The following PCDHGB6 variants were observed in gnomAD, a reference collection of about 807,000 sequenced individuals.
PCDHGB6 encodes protocadherin gamma-B6.
In PCDHGB6, 51 loss-of-function variants were observed where a neutral mutation model predicts 59.1. That is an observed-to-expected ratio of 0.86 (90% CI 0.69 to 1.09). PCDHGB6 has a LOEUF of 1.09. PCDHGB6 is among the 50% of genes least tolerant of loss of function. The probability of loss-of-function intolerance (pLI) is 0.00; values close to 1 mark genes in which losing one functional copy is unlikely to be tolerated. For missense variants in PCDHGB6, 1,148 were observed against 1,205.1 expected (o/e 0.95, Z 0.70); for synonymous variants, 466 against 495.1 (o/e 0.94, Z 0.78).
Position 141,489,826 on chromosome 5 carries a change from C to T in PCDHGB6, c.2419-4981C>T, listed in dbSNP as rs1270077118. 1 of 1,614,186 alleles carries T rather than the reference C, an allele frequency of 6.2e-7. No individual in the cohort carries two copies. The highest frequency in any genetic ancestry group is 1.7e-5 in the Admixed American group (1 of 60,028). On this transcript the variant is annotated intron_variant, in intron 1 of 3. Coordinates refer to ENST00000520790, the MANE Select transcript of PCDHGB6 (RefSeq NM_018926.3). The surrounding 1 kb of genome is among the most constrained non-coding windows in gnomAD (Gnocchi z 4.5). ...TGGGAAGCCATTCCCAGAGCTGGTGCTAGAGCAGCAGCTGGATCGTGAAGC... is the reference window on the plus strand; with the variant it reads ...TGGGAAGCCATTCCCAGAGCTGGTGTTAGAGCAGCAGCTGGATCGTGAAGC...
intron 1 of PCDHGB6, among the ~76,000 whole-genome samples, chr5:141,435,783 G>A (rs1273339025): frequency 6.6e-6 from 1 of 152,124 alleles, no homozygotes; most frequent in Non-Finnish European, 1.5e-5. Context: ...TAAAGGTGCA[G>A]GGAAACATAA....
At chr5:141,417,699 C>A (rs2096148616) in intron 1 of PCDHGB6, 1 of 1,164,548 alleles carries the variant, frequency 8.6e-7, no homozygotes, top group Non-Finnish European at 1.2e-6. Context: ...AACCAGCTCC[C>A]ACACAGAGGC....
At chr5:141,420,056 T>C (rs1241770239) in intron 1 of PCDHGB6, 1 of 1,614,044 alleles carries the variant, frequency 6.2e-7, no homozygotes, top group Admixed American at 1.7e-5. Flanking sequence ...AGTTCTCTGC[T>C]CCAAGTCCGG....
intron 1 of PCDHGB6, chr5:141,430,809 G>T (rs949727881): frequency 2.0e-6 from 3 of 1,526,896 alleles, no homozygotes; most frequent in Non-Finnish European, 2.6e-6. Flanking sequence ...GTCCTGCTGG[G>T]AATCCTCCTG....
At chr5:141,474,323 C>T (rs1176074252) in intron 1 of PCDHGB6, among the ~76,000 whole-genome samples, 2 of 152,186 alleles carry the variant, frequency 1.3e-5, no homozygotes, top group Non-Finnish European at 2.9e-5. Context: ...GTTTTCAAAT[C>T]ACCCTGATGT....
chr5:141,490,480 C>A lies in PCDHGB6; in HGVS notation c.2419-4327C>A, dbSNP rs564439931. ...GCTGCTAACCAGCCAGCCTTTGGAC[C>A]GGGAGGCCACATCCCACTATATCAT... On this transcript the variant is annotated intron_variant, in intron 1 of 3. Transcript: ENST00000520790. The surrounding 1 kb of genome is among the most constrained non-coding windows in gnomAD (Gnocchi z 5.4). 2.5e-5 allele frequency: 40 copies of A among 1,614,076 alleles called. No homozygotes were observed. The highest frequency in any genetic ancestry group is 5.9e-6 in the Non-Finnish European group (7 of 1,180,058).
chr5:141,433,742 C>G (rs927651405), intron 1 of PCDHGB6, among the ~76,000 whole-genome samples: 1 of 150,826 alleles, frequency 6.6e-6, no homozygotes, highest in Non-Finnish European at 1.5e-5. Flanking sequence ...GAGGCTGAGT[C>G]AGGAGAATTG....
intron 1 of PCDHGB6, chr5:141,421,105 G>A: frequency 1.4e-6 from 1 of 700,910 alleles, no homozygotes; most frequent in Non-Finnish European, 2.3e-6. Context: ...TGGAGACTTA[G>A]AAGTATTTTC....
In PCDHGB6 at chr5:141,489,537, C is replaced by T. The variant is rs2099688580; in HGVS notation, c.2419-5270C>T. 6.2e-6 allele frequency: 10 copies of T among 1,614,118 alleles called. No homozygotes were observed. Among genetic ancestry groups the T allele is most frequent in the Non-Finnish European group, 8.5e-6 (10 of 1,180,028 alleles). ...ACCGAGAAAGCCTATGTGGAGCCAG[C>T]ACCAGCTGCCTGCTGCCAGTGCAGG... On this transcript the variant is annotated intron_variant, in intron 1 of 3. Transcript: ENST00000520790. This position sits in a 1 kb window ranked among gnomAD's most constrained non-coding sequence, Gnocchi z 4.5.
chr5:141,433,204 C>CT, intron 1 of PCDHGB6: 2 of 1,566,944 alleles, frequency 1.3e-6, no homozygotes, highest in Admixed American at 2.0e-5. Flanking sequence ...ATCAAATCTT[C>CT]TTTCTTTTTT....
At chr5:141,415,026 G>A in intron 1 of PCDHGB6, 1 of 1,613,590 alleles carries the variant, frequency 6.2e-7, no homozygotes, top group Non-Finnish European at 8.5e-7. Flanking sequence ...AGGCCAGCGA[G>A]CCGGGACTCT....
At position 141,476,873 on chromosome 5, in the gene PCDHGB6, G is replaced by C; in HGVS notation, c.2419-17934G>C. On this transcript the variant is annotated intron_variant, in intron 1 of 3. Coordinates refer to ENST00000520790, the MANE Select transcript of PCDHGB6 (RefSeq NM_018926.3). This position sits in a 1 kb window ranked among gnomAD's most constrained non-coding sequence, Gnocchi z 7.6. ...CAACCAGTCCTTGTACCGGGCGCGC[G>C]TCCTGGAGGATGCACCCTCCGGCAC... 1 of 1,613,936 alleles carries C rather than the reference G, an allele frequency of 6.2e-7. No homozygotes were observed. Among genetic ancestry groups the C allele is most frequent in the South Asian group, 1.1e-5 (1 of 91,088 alleles).
At chr5:141,495,007 G>A in intron 2 of PCDHGB6, 142 bp downstream of exon 2, 4 of 1,522,158 alleles carry the variant, frequency 2.6e-6, no homozygotes, top group Non-Finnish European at 3.5e-6. Context: ...TTGGTGTGCG[G>A]GGGGCTGGCA....
intron 1 of PCDHGB6, chr5:141,418,385 G>A (rs759618059): frequency 8.7e-6 from 14 of 1,613,930 alleles, no homozygotes; most frequent in Admixed American, 1.7e-5. Flanking sequence ...AAGTCCTAAC[G>A]AGTATTTCTC....
chr5:141,487,429 C>A lies in PCDHGB6; in HGVS notation c.2419-7378C>A. 1 of 1,614,162 alleles carries A rather than the reference C, an allele frequency of 6.2e-7. No individual in the cohort carries two copies. Among genetic ancestry groups the A allele is most frequent in the Non-Finnish European group, 8.5e-7 (1 of 1,180,018 alleles). On this transcript the variant is annotated intron_variant, in intron 1 of 3. Transcript: ENST00000520790. The surrounding 1 kb of genome is among the most constrained non-coding windows in gnomAD (Gnocchi z 5.0). ...CCCCTTCCAATGGGATCCTCCGAAT[C>A]CAGCTAGGGTCAGATGACCCTATCA...
chr5:141,410,132 G>T lies in PCDHGB6; in HGVS notation c.1930G>T (p.Val644Phe), dbSNP rs1278988827. The T allele has an allele frequency of 6.2e-7, 1 of 1,612,754 alleles. No homozygotes were observed. The highest frequency in any genetic ancestry group is 8.5e-7 in the Non-Finnish European group (1 of 1,179,668). ...DRDAARQRLL[V>F]AVRDGGQPPL... The stretch of plus-strand genomic sequence containing the variant: ...GGACGCAGCCCGCCAGCGCCTGCTG[G>T]TCGCTGTGCGTGACGGTGGACAGCC... The change falls in exon 1 of 4, where the codon GTC becomes TTC. Residue 644 changes from valine (V) to phenylalanine (F), a missense_variant. Physicochemically the swap from Val to Phe is conservative, Grantham distance 50. This residue lies in a region of PCDHGB6 where 549 missense variants were observed against 527.5 expected (regional missense o/e 1.04). Transcript: ENST00000520790.
intron 1 of PCDHGB6, among the ~76,000 whole-genome samples, chr5:141,436,292 G>T (rs2097808605): frequency 6.6e-6 from 1 of 152,158 alleles, no homozygotes; most frequent in Non-Finnish European, 1.5e-5. Context: ...ACAAATCATT[G>T]AGAGTTAGAG....
intron 1 of PCDHGB6, 137 bp from the exon 2 acceptor site, chr5:141,494,670 C>T: frequency 6.5e-7 from 1 of 1,529,402 alleles, no homozygotes; most frequent in Non-Finnish European, 8.8e-7. Flanking sequence ...GGAGATGAGT[C>T]CACCCCTGCC....
chr5:141,438,625 TATATATATATACACAC>T (rs1232816129), intron 1 of PCDHGB6, among the ~76,000 whole-genome samples: 1,472 of 46,190 alleles, frequency 0.032, 16 homozygotes, highest in African/African-American at 0.13. Context: ...TATATATATA[TATATATATATACACAC>T]ACACACACAC....
Sources: allele counts gnomAD v4.1 joint callset (sites outside exome capture counted in the v4.1 genomes callset), GRCh38; gene constraint gnomAD v4.1.1; regional missense constraint gnomAD v4.1.1; non-coding constraint Gnocchi (gnomAD v3.1); transcripts MANE v1.5; gene names NCBI Gene and HGNC (gene_info 2026-07-23, HGNC 2026-07-21).